The following FHIT variants were observed in gnomAD, a reference collection of about 807,000 sequenced individuals.
FHIT encodes fragile histidine triad diadenosine triphosphatase, also known as bis(5'-adenosyl)-triphosphatase.
FHIT carries 19 observed loss-of-function variants against 17.9 expected under a neutral mutation model. That is an observed-to-expected ratio of 1.06 (90% confidence interval 0.74 to 1.56). The LOEUF (loss-of-function observed/expected upper bound fraction) is 1.56, where lower values mean the gene tolerates loss of function less well. FHIT is among the 40% of genes most tolerant of loss of function. The probability of loss-of-function intolerance (pLI) is 0.00; values close to 1 mark genes in which losing one functional copy is unlikely to be tolerated. For synonymous variants in FHIT, 81 were observed against 69.7 expected, an observed-to-expected ratio of 1.16 and a Z score of -0.81; for missense variants, 248 against 189.2, an observed-to-expected ratio of 1.31 and a Z score of -1.82.
intron 4 of FHIT, among the ~76,000 whole-genome samples, chr3:60,790,892 T>C (rs1007792221): frequency 6.6e-6 from 1 of 152,206 alleles, no homozygotes; most frequent in Non-Finnish European, 1.5e-5. Context: ...ATGAATACTG[T>C]GGGCAAAGGG....
At chr3:61,239,762 C>CTCTATATATGTATATATATATAT (rs1491095399) in intron 1 of FHIT, among the ~76,000 whole-genome samples, 1 of 108,300 alleles carries the variant, frequency 9.2e-6, no homozygotes. Flanking sequence ...AACAACTGGC[C>CTCTATATATGTATATATATATAT]ATATATATAT....
chr3:60,993,930 G>A (rs1030366477), intron 3 of FHIT, among the ~76,000 whole-genome samples: 6 of 152,128 alleles, frequency 3.9e-5, no homozygotes, highest in Admixed American at 6.5e-5. Flanking sequence ...CATGAGCCAC[G>A]TGCCTATTGA....
intron 7 of FHIT, among the ~76,000 whole-genome samples, chr3:59,942,471 G>T (rs966605138): frequency 9.9e-5 from 15 of 152,096 alleles, no homozygotes; most frequent in African/African-American, 3.6e-4. Flanking sequence ...AGTGAGGTTG[G>T]TAAAAGGAAG....
At chr3:59,939,315 C>A (rs934515204) in intron 7 of FHIT, among the ~76,000 whole-genome samples, 1 of 152,124 alleles carries the variant, frequency 6.6e-6, no homozygotes, top group African/African-American at 2.4e-5. Flanking sequence ...TGGCCATTAA[C>A]AGAAGACACA....
At position 61,243,925 on chromosome 3, in the gene FHIT, G is replaced by C. The variant is rs935289374; in HGVS notation, c.-213+7376C>G. The C allele has an allele frequency of 2.0e-5, 3 of 152,102 alleles. No homozygotes were observed. The South Asian group carries it at 6.2e-4, about 32-fold the overall frequency. 9.4% of individuals were successfully genotyped at this position (152,102 alleles called of 1,614,324 possible). A position where few individuals can be genotyped will look rare whatever the true frequency, so the allele number is the denominator to read the frequency against. ...AATTCCATGACAGCTTTGTGATGAC[G>C]CTTTTCTTTCATTCCCAAAGCCTTC... On this transcript the variant is annotated intron_variant, in intron 1 of 9. Coordinates refer to ENST00000492590, the MANE Select transcript of FHIT (RefSeq NM_002012.4).
intron 2 of FHIT, among the ~76,000 whole-genome samples, chr3:61,103,824 C>A (rs1004682621): frequency 1.3e-5 from 2 of 151,174 alleles, no homozygotes; most frequent in African/African-American, 4.9e-5. Context: ...TTCTTTGTCT[C>A]TTTTGATCTT....
chr3:61,010,138 A>G (rs1203571770), intron 3 of FHIT, among the ~76,000 whole-genome samples: 2 of 152,228 alleles, frequency 1.3e-5, no homozygotes, highest in East Asian at 3.9e-4. Flanking sequence ...ATCTTCAATT[A>G]TTACCAAAAA....
At chr3:60,619,007 A>G (rs1465621785) in intron 4 of FHIT, among the ~76,000 whole-genome samples, 2 of 152,266 alleles carry the variant, frequency 1.3e-5, no homozygotes, top group African/African-American at 4.8e-5. Flanking sequence ...GCCCAGTATC[A>G]TACTTCTGTC....
At chr3:60,834,771 A>G (rs1485123188) in intron 3 of FHIT, among the ~76,000 whole-genome samples, 2 of 151,408 alleles carry the variant, frequency 1.3e-5, no homozygotes, top group Admixed American at 6.7e-5. Flanking sequence ...AGCCTCAGGC[A>G]GGAGAATTGC....
intron 3 of FHIT, among the ~76,000 whole-genome samples, chr3:60,931,864 A>G (rs1357522868): frequency 2.0e-5 from 3 of 152,188 alleles, no homozygotes; most frequent in African/African-American, 7.2e-5. Context: ...CACTTAAATG[A>G]CCATTTTTGA....
intron 4 of FHIT, among the ~76,000 whole-genome samples, chr3:60,699,766 C>CACACACAT (rs1182471753): frequency 6.2e-5 from 9 of 145,846 alleles, no homozygotes; most frequent in Non-Finnish European, 1.2e-4. Context: ...CACACACACA[C>CACACACAT]ACACACATAC....
chr3:60,383,815 A>G (rs1006804293), intron 5 of FHIT, among the ~76,000 whole-genome samples: 1 of 152,214 alleles, frequency 6.6e-6, no homozygotes, highest in Non-Finnish European at 1.5e-5. Flanking sequence ...GTCTCTCTAA[A>G]CAACAGCAAA....
intron 4 of FHIT, among the ~76,000 whole-genome samples, chr3:60,582,116 G>A (rs1051065652): frequency 1.3e-5 from 2 of 151,960 alleles, no homozygotes; most frequent in African/African-American, 4.8e-5. Context: ...GTGTAGAGGG[G>A]ACTTAAAAAA....
At chr3:60,752,886 C>T (rs1348879125) in intron 4 of FHIT, among the ~76,000 whole-genome samples, 1 of 152,130 alleles carries the variant, frequency 6.6e-6, no homozygotes, top group East Asian at 1.9e-4. Context: ...TGTATTATGT[C>T]ACTTTAGAAA....
chr3:60,344,965 C>A (rs1710702549), intron 5 of FHIT, among the ~76,000 whole-genome samples: 1 of 152,046 alleles, frequency 6.6e-6, no homozygotes, highest in Non-Finnish European at 1.5e-5. Context: ...CAAAACAAAT[C>A]CCAGATGTTA....
At chr3:60,462,938 T>C (rs9809480) in intron 5 of FHIT, among the ~76,000 whole-genome samples, 27,564 of 152,194 alleles carry the variant, frequency 0.18, 2,722 homozygotes, top group Admixed American at 0.28. Flanking sequence ...CCTGGTCATA[T>C]TGTCACAGCC....
At chr3:60,393,713 AC>A (rs1701324005) in intron 5 of FHIT, among the ~76,000 whole-genome samples, 1 of 152,140 alleles carries the variant, frequency 6.6e-6, no homozygotes, top group African/African-American at 2.4e-5. Context: ...TCAAGATCTT[AC>A]ATCTAAATAT....
chr3:60,752,010 A>C (rs1288913586), intron 4 of FHIT, among the ~76,000 whole-genome samples: 8 of 152,232 alleles, frequency 5.3e-5, no homozygotes, highest in African/African-American at 1.9e-4. Context: ...TAGGTTATAA[A>C]GCTGCAGGTG....
chr3:61,000,427 CA>C (rs1373397082), intron 3 of FHIT, among the ~76,000 whole-genome samples: 3 of 152,156 alleles, frequency 2.0e-5, no homozygotes, highest in Admixed American at 2.0e-4. Context: ...ATTAAAAGGT[CA>C]AAGCATATAA....
Sources: gnomAD v4.1 joint callset for allele counts (sites outside exome capture counted in the v4.1 genomes callset) on GRCh38, gnomAD v4.1.1 for gene constraint, MANE v1.5 for transcripts, NCBI Gene and HGNC (gene_info 2026-07-23, HGNC 2026-07-21) for gene names.